The following CUL1 variants were observed in gnomAD, a reference collection of about 807,000 sequenced individuals.
CUL1 encodes cullin 1.
CUL1 carries 24 observed loss-of-function variants against 118.0 expected under a neutral mutation model. That is an observed-to-expected ratio of 0.20 (90% CI 0.15 to 0.29). The LOEUF (loss-of-function observed/expected upper bound fraction) is 0.29, where lower values mean the gene tolerates loss of function less well. Ranked by LOEUF, CUL1 falls within the 10% of genes least tolerant of loss-of-function variation. CUL1 has a pLI of 1.00. For synonymous variants in CUL1, 332 were observed against 340.4 expected, an observed-to-expected ratio of 0.98 and a Z score of 0.27; for missense variants, 361 against 933.8, an observed-to-expected ratio of 0.39 and a Z score of 7.99.
chr7:148,786,696 A>G (rs1352911800), intron 12 of CUL1, 97 bp downstream of exon 12: 5 of 1,022,450 alleles, frequency 4.9e-6, no homozygotes, highest in South Asian at 2.9e-5. Flanking sequence ...GTGAAAAGTA[A>G]TAATCATTGA....
intron 4 of CUL1, among the ~76,000 whole-genome samples, chr7:148,757,950 C>T (rs757875638): frequency 6.6e-6 from 1 of 152,190 alleles, no homozygotes; most frequent in Non-Finnish European, 1.5e-5. Context: ...GTGCCTCCCG[C>T]AACATGTGGG....
Position 148,730,094 on chromosome 7 carries a change from C to T in CUL1, c.-29C>T, listed in dbSNP as rs369690698. ...GCTGTACTTTGAATAAGGATTGCTGCACTGGACGACTTTAGAACATCCCTC... is the reference window on the plus strand; with the variant it reads ...GCTGTACTTTGAATAAGGATTGCTGTACTGGACGACTTTAGAACATCCCTC... On this transcript the variant is annotated 5_prime_UTR_variant, in exon 2 of 22. Transcript: ENST00000325222. 2.5e-6 allele frequency: 4 copies of T among 1,604,722 alleles called. No homozygotes were observed. The African/African-American group carries it at 4.0e-5, about 16-fold the overall frequency.
chr7:148,723,244 TACTCAGG>T (rs1372537026), intron 1 of CUL1, among the ~76,000 whole-genome samples: 2 of 152,238 alleles, frequency 1.3e-5, no homozygotes, highest in Non-Finnish European at 2.9e-5. Context: ...TTTTAAATGT[TACTCAGG>T]ACTCAGTTTG....
At chr7:148,774,724 A>G (rs1233762472) in intron 9 of CUL1, among the ~76,000 whole-genome samples, 2 of 152,194 alleles carry the variant, frequency 1.3e-5, no homozygotes, top group African/African-American at 4.8e-5. Context: ...GTGTGGCCCA[A>G]CAGAGATGGG....
intron 8 of CUL1, 66 bp from the exon 9 acceptor site, chr7:148,767,553 C>A: frequency 7.1e-7 from 1 of 1,417,972 alleles, no homozygotes; most frequent in Non-Finnish European, 9.9e-7. Flanking sequence ...AGTATAAATA[C>A]ATAATTAGTA....
At chr7:148,788,982 TA>T (rs1800914544) in intron 14 of CUL1, among the ~76,000 whole-genome samples, 1 of 152,134 alleles carries the variant, frequency 6.6e-6, no homozygotes, top group African/African-American at 2.4e-5. Flanking sequence ...GCATTTATTT[TA>T]ATGTTCACTT....
intron 1 of CUL1, among the ~76,000 whole-genome samples, chr7:148,701,441 A>G (rs960796420): frequency 3.9e-5 from 6 of 152,072 alleles, no homozygotes; most frequent in African/African-American, 1.4e-4. Context: ...TGCCAAGAAA[A>G]CAGGTTGTGA....
intron 17 of CUL1, among the ~76,000 whole-genome samples, chr7:148,796,223 C>T (rs1396319973): frequency 6.6e-6 from 1 of 152,050 alleles, no homozygotes; most frequent in African/African-American, 2.4e-5. Flanking sequence ...TGTCAAAATG[C>T]TTTTTCTACT....
intron 1 of CUL1, among the ~76,000 whole-genome samples, chr7:148,728,846 A>G (rs1453408565): frequency 1.3e-5 from 2 of 152,320 alleles, no homozygotes; most frequent in East Asian, 3.9e-4. Context: ...CTGTAATGCC[A>G]TTGAGGATAT....
chr7:148,764,900 AATG>A (rs1487097456), intron 7 of CUL1, among the ~76,000 whole-genome samples: 3 of 152,206 alleles, frequency 2.0e-5, no homozygotes, highest in Non-Finnish European at 4.4e-5. Flanking sequence ...CTTGTTCACT[AATG>A]ATTTGTTATT....
At chr7:148,724,852 G>GT (rs901684493) in intron 1 of CUL1, among the ~76,000 whole-genome samples, 70 of 152,100 alleles carry the variant, frequency 4.6e-4, no homozygotes, top group African/African-American at 1.7e-3. Context: ...TTTTTTGTTT[G>GT]TTTTTTGTTT....
At position 148,774,746 on chromosome 7, in the gene CUL1, C is replaced by T. The variant is rs370069041; in HGVS notation, c.1083+6997C>T. On this transcript the variant is annotated intron_variant, in intron 9 of 21. Transcript: ENST00000325222. The stretch of plus-strand genomic sequence containing the variant: ...CCAACAGAGATGGGTCTGTGAGATA[C>T]TTCAACACCCGGCAGGGCTGCTGGG... 1.6e-3 allele frequency among the ~76,000 whole-genome samples: 241 copies of T among 152,316 alleles called. 8 individuals carry two copies. The South Asian group carries it at 0.047, about 30-fold the overall frequency.
intron 9 of CUL1, among the ~76,000 whole-genome samples, chr7:148,777,112 A>G (rs1800427739): frequency 6.6e-6 from 1 of 152,216 alleles, no homozygotes; most frequent in South Asian, 2.1e-4. Context: ...CTCACCTTGA[A>G]CTAAAGGAAA....
At chr7:148,730,589 A>C (rs1798729277) in intron 2 of CUL1, among the ~76,000 whole-genome samples, 1 of 152,192 alleles carries the variant, frequency 6.6e-6, no homozygotes. Context: ...AAGCTGGTCT[A>C]AAGCAAGGTC....
Position 148,787,588 on chromosome 7 carries a change from T to C in CUL1, c.1479+468T>C, listed in dbSNP as rs1014202027. Among the ~76,000 whole-genome samples, 6 of 152,138 alleles carry C rather than the reference T, an allele frequency of 3.9e-5. No homozygotes were observed. The highest frequency in any genetic ancestry group is 1.4e-4 in the African/African-American group (6 of 41,434). The stretch of plus-strand genomic sequence containing the variant: ...GCCTCCCACAACTATCACTCTACTC[T>C]CGTTGGGCCCCGGTGCCTTCCCAAC... On this transcript the variant is annotated intron_variant, in intron 13 of 21. Transcript: ENST00000325222. This position sits in a 1 kb window ranked among gnomAD's most constrained non-coding sequence, Gnocchi z 5.5.
chr7:148,746,265 T>A (rs1435395032), intron 2 of CUL1, among the ~76,000 whole-genome samples: 1 of 152,202 alleles, frequency 6.6e-6, no homozygotes, highest in Non-Finnish European at 1.5e-5. Context: ...ACTGCTACAT[T>A]GATTCATTGA....
At chr7:148,708,312 T>A (rs1219203758) in intron 1 of CUL1, among the ~76,000 whole-genome samples, 1 of 152,242 alleles carries the variant, frequency 6.6e-6, no homozygotes, top group Non-Finnish European at 1.5e-5. Flanking sequence ...CTAGACCATA[T>A]CCGACATCTC....
chr7:148,743,808 G>A (rs1799222085), intron 2 of CUL1, among the ~76,000 whole-genome samples: 1 of 152,102 alleles, frequency 6.6e-6, no homozygotes, highest in African/African-American at 2.4e-5. Flanking sequence ...GGCGCCTGTA[G>A]TTACTCTGGA....
intron 2 of CUL1, among the ~76,000 whole-genome samples, chr7:148,746,124 G>C (rs1043655325): frequency 1.3e-5 from 2 of 151,992 alleles, no homozygotes; most frequent in Non-Finnish European, 2.9e-5. Flanking sequence ...GGGTGGGCTT[G>C]GGGGAGGAAG....
Sources: gnomAD v4.1 joint callset for allele counts (sites outside exome capture counted in the v4.1 genomes callset) on GRCh38, gnomAD v4.1.1 for gene constraint, Gnocchi (gnomAD v3.1) non-coding constraint, MANE v1.5 for transcripts, NCBI Gene and HGNC (gene_info 2026-07-23, HGNC 2026-07-21) for gene names.